Variants in MEGF11 observed in about 807,000 individuals in gnomAD.
The protein encoded by MEGF11 is multiple EGF like domains 11, also known as multiple epidermal growth factor-like domains protein 11.
A neutral mutation model predicts 146.6 loss-of-function variants in MEGF11; 126 were observed. That is an observed-to-expected ratio of 0.86 (90% confidence interval 0.74 to 1.00). The LOEUF (loss-of-function observed/expected upper bound fraction) is 1.00. Ranked by LOEUF, MEGF11 falls within the 50% of genes least tolerant of loss-of-function variation. MEGF11 has a pLI of 0.00. For missense variants in MEGF11, 1,509 were observed against 1,521.2 expected, an observed-to-expected ratio of 0.99 and a Z score of 0.13; for synonymous variants, 532 against 583.4, an observed-to-expected ratio of 0.91 and a Z score of 1.27.
chr15:65,899,063 AT>A (rs1212705185), intron 24 of MEGF11, 129 bp from the exon 25 acceptor site: 1 of 856,528 alleles, frequency 1.2e-6, no homozygotes, highest in African/African-American at 1.7e-5. Context: ...ATAATCCAAG[AT>A]TTATTTACTT....
intron 5 of MEGF11, among the ~76,000 whole-genome samples, chr15:66,005,071 T>C (rs2082479964): frequency 6.6e-6 from 1 of 152,172 alleles, no homozygotes; most frequent in South Asian, 2.1e-4. Flanking sequence ...GCTCTCCATC[T>C]GGGGCAACAT....
At chr15:65,938,268 C>T (rs1362526196) in intron 10 of MEGF11, among the ~76,000 whole-genome samples, 4 of 152,218 alleles carry the variant, frequency 2.6e-5, no homozygotes, top group African/African-American at 9.6e-5. Context: ...TGCCCAAGAT[C>T]ACACAGCCAA....
chr15:66,010,273 A>G (rs1293217801), intron 5 of MEGF11, among the ~76,000 whole-genome samples: 1 of 151,372 alleles, frequency 6.6e-6, no homozygotes, highest in Non-Finnish European at 1.5e-5. Flanking sequence ...GCTCACTGCA[A>G]CCTCCGCCTC....
intron 9 of MEGF11, among the ~76,000 whole-genome samples, chr15:65,958,364 G>A (rs1385354524): frequency 2.0e-5 from 3 of 152,110 alleles, no homozygotes; most frequent in Non-Finnish European, 4.4e-5. Flanking sequence ...CTAGAGGCAG[G>A]GGATCCCTGG....
At chr15:66,061,784 C>T (rs1422534657) in intron 5 of MEGF11, among the ~76,000 whole-genome samples, 1 of 152,066 alleles carries the variant, frequency 6.6e-6, no homozygotes, top group Admixed American at 6.5e-5. Flanking sequence ...TATGGGCATG[C>T]ACCAGCACAC....
chr15:66,121,660 G>T (rs2088030835), intron 3 of MEGF11, among the ~76,000 whole-genome samples: 1 of 152,148 alleles, frequency 6.6e-6, no homozygotes, highest in African/African-American at 2.4e-5. Context: ...GGACCCAGCA[G>T]GTAGCAGGTG....
intron 4 of MEGF11, among the ~76,000 whole-genome samples, chr15:66,109,156 C>T (rs2087252836): frequency 6.6e-6 from 1 of 151,952 alleles, no homozygotes; most frequent in South Asian, 2.1e-4. Context: ...AGGTCTTCAT[C>T]CCCTTGACCA....
chr15:65,982,478 G>T lies in MEGF11; in HGVS notation c.405C>A (p.Ser135Arg). Residue 135 changes from serine (S) to arginine (R), a missense_variant, in exon 6 of 26, where the codon AGC becomes AGA. By Grantham distance (110) the Ser-to-Arg change is moderately radical. Coordinates refer to ENST00000395614, the MANE Select transcript of MEGF11 (RefSeq NM_001385028.1). The surrounding 1 kb of genome is among the most constrained non-coding windows in gnomAD (Gnocchi z 5.6). ...TGCTGCAGTGGGGCCCCCAGTGGTC[G>T]CTGTCGCAGCCTGCAAGAGACGGGA... ...GGPDCSSGCD[S>R]DHWGPHCSNR... 6.8e-7 allele frequency: 1 copy of T among 1,476,416 alleles called. No homozygotes were observed. Among genetic ancestry groups the T allele is most frequent in the Admixed American group, 2.4e-5 (1 of 42,100 alleles). The allele number at this position is 1,476,416 out of a possible 1,614,324, so 91.5% of individuals were successfully genotyped here. A position where few individuals can be genotyped will look rare whatever the true frequency, so the allele number is the denominator to read the frequency against.
Position 66,237,624 on chromosome 15 carries a change from G to A in MEGF11, c.-9+15981C>T, listed in dbSNP as rs186327961. 8.5e-4 allele frequency among the ~76,000 whole-genome samples: 129 copies of A among 152,290 alleles called. 1 individual carries two copies. Among genetic ancestry groups the A allele is most frequent in the Admixed American group, 5.1e-3 (78 of 15,298 alleles). On this transcript the variant is annotated intron_variant, in intron 1 of 25. Coordinates refer to ENST00000395614, the MANE Select transcript of MEGF11 (RefSeq NM_001385028.1). ...CCATCTATAGAGTGGAATAACAACA[G>A]GACCTCCTTCCTGGAGTAGTTTGGG...
At chr15:66,009,241 G>GTTGTT (rs1567200187) in intron 5 of MEGF11, among the ~76,000 whole-genome samples, 1 of 143,072 alleles carries the variant, frequency 7.0e-6, no homozygotes, top group Non-Finnish European at 1.5e-5. Context: ...GTTAACCTAA[G>GTTGTT]TTTTTTTTTT....
chr15:66,160,276 T>TCTCTCTCTCTCTCTCA (rs1567267967), intron 1 of MEGF11, among the ~76,000 whole-genome samples: 1 of 148,586 alleles, frequency 6.7e-6, no homozygotes, highest in East Asian at 2.0e-4. Flanking sequence ...TCTCTCTCTC[T>TCTCTCTCTCTCTCTCA]CTCACTGCTT....
chr15:66,253,744 A>C lies in MEGF11; in HGVS notation c.-148T>G, dbSNP rs1190468744. The C allele has an allele frequency of 2.6e-5, 4 of 152,208 alleles. No individual in the cohort carries two copies. The highest frequency in any genetic ancestry group is 7.3e-5 in the African/African-American group (3 of 41,350). The allele number at this position is 152,208 out of a possible 1,614,324, so 9.4% of individuals were successfully genotyped here. ...CGGGCGGCGGGCAGCGGGCACCGGGAGCGACTGAGCGAGCGAGCGAGCGGG... is the reference window on the plus strand; with the variant it reads ...CGGGCGGCGGGCAGCGGGCACCGGGCGCGACTGAGCGAGCGAGCGAGCGGG... On this transcript the variant is annotated 5_prime_UTR_variant, in exon 1 of 26. Transcript: ENST00000395614.
At chr15:66,247,989 A>G (rs1371573100) in intron 1 of MEGF11, among the ~76,000 whole-genome samples, 1 of 152,092 alleles carries the variant, frequency 6.6e-6, no homozygotes, top group Admixed American at 6.5e-5. Flanking sequence ...TCTCCAAAAA[A>G]AAAAAAAAAA....
At chr15:66,020,188 T>C (rs758894605) in intron 5 of MEGF11, among the ~76,000 whole-genome samples, 2 of 152,234 alleles carry the variant, frequency 1.3e-5, no homozygotes, top group Non-Finnish European at 2.9e-5. Flanking sequence ...GGTTCTGGAA[T>C]GTGCATGTGA....
At position 65,911,907 on chromosome 15, in the gene MEGF11, A is replaced by G. The variant is rs1436903292; in HGVS notation, c.2829+175T>C. 2.6e-5 allele frequency among the ~76,000 whole-genome samples: 4 copies of G among 152,214 alleles called. No individual in the cohort carries two copies. In the East Asian group the frequency reaches 5.8e-4, roughly 22 times the overall value. ...CCACATAACATGCTGGCTCCATTACATGCCTCACAGAGTGTTTACGTGTAC... is the reference window on the plus strand; with the variant it reads ...CCACATAACATGCTGGCTCCATTACGTGCCTCACAGAGTGTTTACGTGTAC... On this transcript the variant is annotated intron_variant, in intron 21 of 25. Coordinates refer to ENST00000395614, the MANE Select transcript of MEGF11 (RefSeq NM_001385028.1).
chr15:65,949,429 G>A (rs915748748), intron 10 of MEGF11, among the ~76,000 whole-genome samples: 1 of 152,254 alleles, frequency 6.6e-6, no homozygotes, highest in Non-Finnish European at 1.5e-5. Flanking sequence ...GGGTGATGGA[G>A]TGCCTGCTCC....
intron 5 of MEGF11, among the ~76,000 whole-genome samples, chr15:65,991,857 A>T (rs1165144938): frequency 6.6e-6 from 1 of 152,196 alleles, no homozygotes; most frequent in Non-Finnish European, 1.5e-5. Context: ...CTCCCATCAC[A>T]CCAGCTATTA....
At chr15:65,968,401 C>T (rs1312072269) in intron 8 of MEGF11, among the ~76,000 whole-genome samples, 1 of 152,194 alleles carries the variant, frequency 6.6e-6, no homozygotes, top group Non-Finnish European at 1.5e-5. Context: ...TTCAAACATT[C>T]CTGCTCCCTC....
At chr15:66,153,679 G>T (rs1474662774) in intron 1 of MEGF11, among the ~76,000 whole-genome samples, 3 of 152,282 alleles carry the variant, frequency 2.0e-5, no homozygotes, top group Non-Finnish European at 2.9e-5. Context: ...TGACACCCAG[G>T]TGCGCCCAGA....
Sources: allele counts gnomAD v4.1 joint callset (sites outside exome capture counted in the v4.1 genomes callset), GRCh38; gene constraint gnomAD v4.1.1; non-coding constraint Gnocchi (gnomAD v3.1); transcripts MANE v1.5; gene names NCBI Gene and HGNC (gene_info 2026-07-23, HGNC 2026-07-21).